Variants in TXNRD1 observed in about 807,000 individuals in gnomAD.
TXNRD1 encodes the protein thioredoxin reductase 1, cytoplasmic.
Under a neutral mutation model 80.3 loss-of-function variants are expected in TXNRD1, and 57 were observed. The ratio of observed to expected loss-of-function variants is 0.71; its 90% CI spans 0.57 to 0.89. The LOEUF (loss-of-function observed/expected upper bound fraction) is 0.89. Ranked by LOEUF, TXNRD1 falls within the 40% of genes least tolerant of loss-of-function variation. The probability of loss-of-function intolerance (pLI) is 0.00; values close to 1 mark genes in which losing one functional copy is unlikely to be tolerated. For missense variants in TXNRD1, 730 were observed against 803.0 expected, an observed-to-expected ratio of 0.91 and a Z score of 1.10; for synonymous variants, 291 against 285.2, an observed-to-expected ratio of 1.02 and a Z score of -0.20.
chr12:104,215,967 A>G, intron 1 of TXNRD1, 74 bp downstream of exon 1: 2 of 1,315,444 alleles, frequency 1.5e-6, no homozygotes, highest in South Asian at 2.6e-5. Flanking sequence ...GTTGGGGATA[A>G]AGTGCCCCGG....
chr12:104,290,502 G>T (rs2034144177), intron 4 of TXNRD1, among the ~76,000 whole-genome samples: 1 of 151,460 alleles, frequency 6.6e-6, no homozygotes, highest in Non-Finnish European at 1.5e-5. Context: ...AGATCAGCCT[G>T]GGCAACACGG....
intron 1 of TXNRD1, among the ~76,000 whole-genome samples, chr12:104,247,234 A>T (rs2033014180): frequency 6.6e-6 from 1 of 151,978 alleles, no homozygotes; most frequent in African/African-American, 2.4e-5. Context: ...TGCCTGGCTA[A>T]TTTTTGTATT....
intron 10 of TXNRD1, among the ~76,000 whole-genome samples, chr12:104,323,810 ACCC>A (rs138772043): frequency 1.6e-5 from 2 of 121,652 alleles, no homozygotes; most frequent in Middle Eastern, 4.5e-3. Flanking sequence ...GGGGGGGCTG[ACCC>A]CCCCCCACCT....
At chr12:104,344,804 G>C (rs751785174) in intron 16 of TXNRD1, among the ~76,000 whole-genome samples, 9 of 152,122 alleles carry the variant, frequency 5.9e-5, no homozygotes, top group Non-Finnish European at 1.3e-4. Flanking sequence ...CAGCCACTGT[G>C]GTCAACAGTA....
At position 104,328,808 on chromosome 12, in the gene TXNRD1, A is replaced by G. The variant is rs541225127; in HGVS notation, c.1542+1137A>G. Among the ~76,000 whole-genome samples, 13 of 151,730 alleles carry G rather than the reference A, an allele frequency of 8.6e-5. No homozygotes were observed. In the South Asian group the frequency reaches 2.1e-3, roughly 24 times the overall value. ...AAATATCTGTTTTAGGATGTTGAAT[A>G]TGTTAAATGTTATATTGAATTTTAA... On this transcript the variant is annotated intron_variant, in intron 13 of 16. Coordinates refer to ENST00000525566, the MANE Select transcript of TXNRD1 (RefSeq NM_001093771.3).
At chr12:104,294,238 C>CCCA in intron 4 of TXNRD1, among the ~76,000 whole-genome samples, 1 of 122,266 alleles carries the variant, frequency 8.2e-6, no homozygotes, top group Non-Finnish European at 1.8e-5. Context: ...GAAAGGCCCC[C>CCCA]CCCCCCGCCG....
intron 1 of TXNRD1, among the ~76,000 whole-genome samples, chr12:104,218,765 G>A (rs141757813): frequency 6.6e-6 from 1 of 151,634 alleles, no homozygotes; most frequent in East Asian, 1.9e-4. Context: ...GTGCCACCAA[G>A]CCCAGCTAAT....
intron 6 of TXNRD1, among the ~76,000 whole-genome samples, chr12:104,314,613 C>G (rs570641430): frequency 2.2e-4 from 34 of 151,938 alleles, no homozygotes; most frequent in Non-Finnish European, 4.4e-4. Flanking sequence ...TCACCATATT[C>G]TTTAAGCTTA....
At chr12:104,255,045 G>T (rs1481624730) in intron 2 of TXNRD1, among the ~76,000 whole-genome samples, 1 of 152,016 alleles carries the variant, frequency 6.6e-6, no homozygotes, top group Non-Finnish European at 1.5e-5. Flanking sequence ...AGCTGAGGGG[G>T]CAGTGAGCCA....
At chr12:104,340,980 GCT>G (rs2036306870) in intron 16 of TXNRD1, among the ~76,000 whole-genome samples, 1 of 152,156 alleles carries the variant, frequency 6.6e-6, no homozygotes, top group South Asian at 2.1e-4. Flanking sequence ...TCTGAATTCA[GCT>G]CTCAGTGGGC....
At chr12:104,297,241 G>A (rs1446423045) in intron 4 of TXNRD1, among the ~76,000 whole-genome samples, 1 of 150,188 alleles carries the variant, frequency 6.7e-6, no homozygotes, top group Non-Finnish European at 1.5e-5. Flanking sequence ...GGAGGTGGAG[G>A]TTGCGGTGAG....
At chr12:104,261,186 G>A (rs2033361588) in intron 3 of TXNRD1, among the ~76,000 whole-genome samples, 1 of 151,070 alleles carries the variant, frequency 6.6e-6, no homozygotes, top group Admixed American at 6.6e-5. Context: ...TAATTGAGAT[G>A]GAGTTTTGCT....
intron 1 of TXNRD1, among the ~76,000 whole-genome samples, chr12:104,239,409 G>T (rs1414035254): frequency 6.6e-6 from 1 of 152,028 alleles, no homozygotes; most frequent in African/African-American, 2.4e-5. Context: ...TGGTCAGGCT[G>T]GTCTCAAACT....
intron 1 of TXNRD1, among the ~76,000 whole-genome samples, chr12:104,235,517 A>G (rs373647073): frequency 1.5e-4 from 23 of 152,346 alleles, no homozygotes; most frequent in African/African-American, 5.5e-4. Flanking sequence ...TCAAGAGGGT[A>G]AAAAGGTTTA....
intron 4 of TXNRD1, among the ~76,000 whole-genome samples, chr12:104,310,409 G>T (rs551987824): frequency 5.8e-4 from 88 of 152,164 alleles, no homozygotes; most frequent in African/African-American, 2.0e-3. Context: ...TTGGCCTCCC[G>T]AAGTGCTGGG....
chr12:104,233,344 G>A (rs1469307271), intron 1 of TXNRD1, among the ~76,000 whole-genome samples: 6 of 152,218 alleles, frequency 3.9e-5, no homozygotes, highest in Middle Eastern at 3.4e-3. Flanking sequence ...TACTTTTCAC[G>A]GTAAAATAAC....
At chr12:104,267,475 A>G (rs907732297) in intron 3 of TXNRD1, among the ~76,000 whole-genome samples, 1 of 151,448 alleles carries the variant, frequency 6.6e-6, no homozygotes, top group Non-Finnish European at 1.5e-5. Flanking sequence ...CTGGAGTCTC[A>G]TGAGCCACCA....
At chr12:104,322,011 C>CA (rs1491259215) in intron 10 of TXNRD1, among the ~76,000 whole-genome samples, 1 of 134,794 alleles carries the variant, frequency 7.4e-6, no homozygotes, top group Non-Finnish European at 1.6e-5. Flanking sequence ...TTTTTTTTTT[C>CA]ATCTCTCAGT....
chr12:104,252,690 ATTTTTTTTTTTT>A (rs869239974), intron 2 of TXNRD1, among the ~76,000 whole-genome samples: 2 of 39,650 alleles, frequency 5.0e-5, no homozygotes, highest in African/African-American at 1.2e-4. Context: ...ATATATATAT[ATTTTTTTTTTTT>A]TTTTTTTTTT....
Sources: gnomAD v4.1 joint callset for allele counts (sites outside exome capture counted in the v4.1 genomes callset) on GRCh38, gnomAD v4.1.1 for gene constraint, MANE v1.5 for transcripts, NCBI Gene and HGNC (gene_info 2026-07-23, HGNC 2026-07-21) for gene names.